The following SFXN5 variants were observed in gnomAD, a reference collection of about 807,000 sequenced individuals.
The protein encoded by SFXN5 is sideroflexin-5.
SFXN5 carries 43 observed loss-of-function variants against 50.2 expected under a neutral mutation model. The observed-to-expected ratio is 0.86, with a 90% CI of 0.67 to 1.11. The LOEUF is 1.11. SFXN5 is among the 50% of genes least tolerant of loss of function. The pLI, the probability that SFXN5 is intolerant of heterozygous loss-of-function variation, is 0.00. For missense variants in SFXN5, 463 were observed against 454.1 expected, an observed-to-expected ratio of 1.02 and a Z score of -0.18; for synonymous variants, 203 against 185.8, an observed-to-expected ratio of 1.09 and a Z score of -0.75.
At chr2:73,050,365 G>A (rs1232862846) in intron 2 of SFXN5, among the ~76,000 whole-genome samples, 1 of 126,344 alleles carries the variant, frequency 7.9e-6, no homozygotes, top group African/African-American at 3.3e-5. Context: ...AAATCTTGGT[G>A]GAGGTAGCGC....
intron 13 of SFXN5, among the ~76,000 whole-genome samples, chr2:72,948,722 G>A (rs941873914): frequency 1.3e-5 from 2 of 152,244 alleles, no homozygotes; most frequent in Non-Finnish European, 2.9e-5. Context: ...GCAGGTAGGA[G>A]CAGGGGGAGA....
At chr2:72,954,329 G>T (rs902947917) in intron 13 of SFXN5, among the ~76,000 whole-genome samples, 1 of 152,142 alleles carries the variant, frequency 6.6e-6, no homozygotes, top group Non-Finnish European at 1.5e-5. Flanking sequence ...TCTAGTTGAG[G>T]TGCTTGGCAA....
In SFXN5 at chr2:72,961,050, C is replaced by T. The variant is rs142844570; in HGVS notation, c.945+81G>A. ...AGCGCCTAGCATGGCGCTAAGGAGTCGGCACGGTATGAGTATTTGTTCAGA... is the reference window on the plus strand; with the variant it reads ...AGCGCCTAGCATGGCGCTAAGGAGTTGGCACGGTATGAGTATTTGTTCAGA... On this transcript the variant is annotated intron_variant, in intron 13 of 13. Coordinates refer to ENST00000272433, the MANE Select transcript of SFXN5 (RefSeq NM_144579.3). The surrounding 1 kb of genome is among the most constrained non-coding windows in gnomAD (Gnocchi z 4.4). 535 of 1,040,176 alleles carry T rather than the reference C, an allele frequency of 5.1e-4. 5 individuals are homozygous for T. In the East Asian group the frequency reaches 0.014, roughly 27 times the overall value. The allele number at this position is 1,040,176 out of a possible 1,614,324, so 64.4% of individuals were successfully genotyped here. A position where few individuals can be genotyped will look rare whatever the true frequency, so the allele number is the denominator to read the frequency against.
intron 6 of SFXN5, among the ~76,000 whole-genome samples, chr2:73,006,608 C>A (rs1047202006): frequency 6.6e-6 from 1 of 151,102 alleles, no homozygotes; most frequent in Non-Finnish European, 1.5e-5. Context: ...GGCGACAGAG[C>A]CCAAAGAGCG....
At chr2:73,015,563 C>T (rs541052291) in intron 6 of SFXN5, among the ~76,000 whole-genome samples, 9 of 152,050 alleles carry the variant, frequency 5.9e-5, no homozygotes, top group African/African-American at 2.2e-4. Context: ...CAAGCGATTC[C>T]CCTGCCTTGG....
intron 2 of SFXN5, among the ~76,000 whole-genome samples, chr2:73,043,828 G>A (rs929140816): frequency 3.3e-5 from 5 of 152,176 alleles, no homozygotes; most frequent in African/African-American, 1.2e-4. Flanking sequence ...CAAAAGTGAG[G>A]ATGATTTTCC....
chr2:73,038,873 C>T (rs1262316404), intron 3 of SFXN5, among the ~76,000 whole-genome samples: 3 of 152,066 alleles, frequency 2.0e-5, no homozygotes, highest in Non-Finnish European at 4.4e-5. Context: ...CAGACTAGGC[C>T]TGCACAGGGT....
intron 12 of SFXN5, among the ~76,000 whole-genome samples, chr2:72,966,978 C>A (rs1674489880): frequency 6.6e-6 from 1 of 152,192 alleles, no homozygotes. Flanking sequence ...CAAACACAGG[C>A]TGATTGAGGG....
chr2:73,069,566 A>G (rs1683424106), intron 1 of SFXN5, among the ~76,000 whole-genome samples: 2 of 152,190 alleles, frequency 1.3e-5, no homozygotes. Context: ...TATGCAGGCC[A>G]CTATGCTGGA....
rs1186456370 is a variant in SFXN5 at position 72,945,739 on chromosome 2, C to T, written c.946-640G>A. Among the ~76,000 whole-genome samples, 1 of 152,096 alleles carries T rather than the reference C, an allele frequency of 6.6e-6. No individual in the cohort carries two copies. The highest frequency in any genetic ancestry group is 1.9e-4 in the East Asian group (1 of 5,176). On this transcript the variant is annotated intron_variant, in intron 13 of 13. Transcript: ENST00000272433. This position sits in a 1 kb window ranked among gnomAD's most constrained non-coding sequence, Gnocchi z 5.8. ...TGCTTCGGAGAACCCCACCATGCACCCCACTCCTACTTGAACCTGACCATG... is the reference window on the plus strand; with the variant it reads ...TGCTTCGGAGAACCCCACCATGCACTCCACTCCTACTTGAACCTGACCATG...
At chr2:72,949,397 C>A (rs983154292) in intron 13 of SFXN5, among the ~76,000 whole-genome samples, 2 of 152,172 alleles carry the variant, frequency 1.3e-5, no homozygotes, top group African/African-American at 4.8e-5. Context: ...GACTGCAGCT[C>A]ACTGCAGCCT....
chr2:73,024,297 C>T (rs867563231), intron 3 of SFXN5, among the ~76,000 whole-genome samples: 1 of 152,152 alleles, frequency 6.6e-6, no homozygotes, highest in African/African-American at 2.4e-5. Context: ...GCTGAGATTA[C>T]AGGTGTGAGC....
At chr2:73,020,367 T>G in intron 5 of SFXN5, 103 bp from the exon 6 acceptor site, 1 of 1,158,908 alleles carries the variant, frequency 8.6e-7, no homozygotes, top group East Asian at 2.4e-5. Flanking sequence ...GTGGCCCTGA[T>G]GAAGGGGCTC....
chr2:73,027,193 G>A (rs1021937635), intron 3 of SFXN5, among the ~76,000 whole-genome samples: 1 of 152,196 alleles, frequency 6.6e-6, no homozygotes, highest in Non-Finnish European at 1.5e-5. Context: ...CTTTCCAGTG[G>A]GAAAAGATGT....
chr2:73,064,455 A>G lies in SFXN5; in HGVS notation c.103-5859T>C, dbSNP rs80089379. On this transcript the variant is annotated intron_variant, in intron 1 of 13. Transcript: ENST00000272433. ...GGAAATTATGACCCCTCTCCACTGC[A>G]CAAACCAGCCCAGGAGCAGCACTAG... Among the ~76,000 whole-genome samples, 4 of 152,234 alleles carry G rather than the reference A, an allele frequency of 2.6e-5. No homozygotes were observed. In the East Asian group the frequency reaches 7.7e-4, roughly 29 times the overall value.
intron 2 of SFXN5, chr2:73,058,313 A>T (rs775930700): frequency 1.5e-5 from 7 of 479,710 alleles, no homozygotes; most frequent in Non-Finnish European, 2.6e-5. Flanking sequence ...ATAATGTAAA[A>T]AGCATACAGC....
At chr2:72,974,263 G>A (rs979928662) in intron 10 of SFXN5, among the ~76,000 whole-genome samples, 4 of 152,154 alleles carry the variant, frequency 2.6e-5, no homozygotes, top group Admixed American at 2.6e-4. Flanking sequence ...AGAAGAGAGA[G>A]TGTGGATCTG....
chr2:72,986,106 A>T (rs1671889985), intron 10 of SFXN5, among the ~76,000 whole-genome samples: 1 of 152,226 alleles, frequency 6.6e-6, no homozygotes, highest in Non-Finnish European at 1.5e-5. Flanking sequence ...TGTTTGCTTT[A>T]TTAGGCCCCT....
chr2:73,024,385 A>G (rs1677291648), intron 3 of SFXN5, among the ~76,000 whole-genome samples: 1 of 152,234 alleles, frequency 6.6e-6, no homozygotes, highest in African/African-American at 2.4e-5. Context: ...GGCCAGGCAC[A>G]GTGGCTCACA....
Sources: allele counts gnomAD v4.1 joint callset (sites outside exome capture counted in the v4.1 genomes callset), GRCh38; gene constraint gnomAD v4.1.1; non-coding constraint Gnocchi (gnomAD v3.1); transcripts MANE v1.5; gene names NCBI Gene and HGNC (gene_info 2026-07-23, HGNC 2026-07-21).